ANK3: variants seen among roughly 807,000 people sequenced by gnomAD.
ANK3 encodes ankyrin 3, also known as ankyrin-3.
Under a neutral mutation model 370.9 loss-of-function variants are expected in ANK3, and 57 were observed. That is an observed-to-expected ratio of 0.15 (90% CI 0.12 to 0.19). ANK3 has a LOEUF of 0.19. ANK3 is among the 10% of genes least tolerant of loss of function. ANK3 has a pLI of 1.00. For synonymous variants in ANK3, 1,929 were observed against 1,946.3 expected, an observed-to-expected ratio of 0.99 and a Z score of 0.23; for missense variants, 4,439 against 5,302.1, an observed-to-expected ratio of 0.84 and a Z score of 5.06.
In ANK3 at chr10:60,466,106, T is replaced by C. The variant is rs72807910; in HGVS notation, c.96+149080A>G. Among the ~76,000 whole-genome samples, 748 of 152,278 alleles carry C rather than the reference T, an allele frequency of 4.9e-3. 4 individuals are homozygous for C. Among genetic ancestry groups the C allele is most frequent in the Non-Finnish European group, 6.2e-3 (423 of 68,030 alleles). ...TCTCTTGAACACTTCTATAATTATGTAAGAAACAACACATGGGTCTATTTA... is the reference window on the plus strand; with the variant it reads ...TCTCTTGAACACTTCTATAATTATGCAAGAAACAACACATGGGTCTATTTA... On this transcript the variant is annotated intron_variant, in intron 2 of 43. Coordinates refer to the ANK3 transcript ENST00000373827.
In ANK3 at chr10:60,069,359, C is replaced by T; in HGVS notation, c.11522G>A (p.Arg3841Lys). ...TTCTCCAAGAACTTTCTGCTTATCT[C>T]TTACACAGTGTCCTTGTAGTACCCC... ...KTGVLQGHCV[R>K]DKQKVLGEQQ... Residue 3841 changes from arginine to lysine, a missense_variant, in exon 37 of 44, where the codon AGA (arginine) becomes AAA (lysine). Arg to Lys is a conservative substitution (Grantham distance 26). Coordinates refer to ENST00000280772, the MANE Select transcript of ANK3 (RefSeq NM_020987.5). 2 of 1,614,024 alleles carry T rather than the reference C, an allele frequency of 1.2e-6. No homozygotes were observed. The highest frequency in any genetic ancestry group is 8.5e-7 in the Non-Finnish European group (1 of 1,179,998).
intron 2 of ANK3, among the ~76,000 whole-genome samples, chr10:60,516,916 C>A (rs1322945734): frequency 6.6e-6 from 1 of 152,074 alleles, no homozygotes; most frequent in African/African-American, 2.4e-5. Context: ...AAAATAGCCT[C>A]CTTGATCGTT....
At chr10:60,338,557 G>T (rs1204660811) in intron 1 of ANK3, among the ~76,000 whole-genome samples, 1 of 152,118 alleles carries the variant, frequency 6.6e-6, no homozygotes, top group Non-Finnish European at 1.5e-5. Context: ...ACACGTGCAT[G>T]GTATGTCAAC....
chr10:60,549,265 G>T (rs1486134206), intron 2 of ANK3, among the ~76,000 whole-genome samples: 1 of 151,852 alleles, frequency 6.6e-6, no homozygotes, highest in Non-Finnish European at 1.5e-5. Context: ...TAATAACATT[G>T]AAATAGGTTT....
intron 1 of ANK3, among the ~76,000 whole-genome samples, chr10:60,309,649 C>A (rs2045910195): frequency 6.6e-6 from 1 of 152,102 alleles, no homozygotes; most frequent in Non-Finnish European, 1.5e-5. Flanking sequence ...GAATAACTTG[C>A]AATAGGTAGT....
At chr10:60,224,474 T>C (rs2097107544) in intron 8 of ANK3, among the ~76,000 whole-genome samples, 1 of 152,154 alleles carries the variant, frequency 6.6e-6, no homozygotes, top group African/African-American at 2.4e-5. Context: ...CTGATTTTTC[T>C]GAAAAGCATG....
Position 60,140,319 on chromosome 10 carries a change from C to G in ANK3, c.2615-1232G>C, listed in dbSNP as rs752779100. On this transcript the variant is annotated intron_variant, in intron 23 of 43. Transcript: ENST00000280772. ...ACATTCACTGCATCTCAAACAAAAA[C>G]AGCACACACCAAGTACAACTCAAAG... 1.2e-5 allele frequency: 19 copies of G among 1,610,308 alleles called. No individual in the cohort carries two copies. In the Admixed American group the frequency reaches 3.2e-4, roughly 27 times the overall value.
At chr10:60,687,531 A>AC (rs111633246) in intron 1 of ANK3, among the ~76,000 whole-genome samples, 13 of 121,006 alleles carry the variant, frequency 1.1e-4, no homozygotes, top group African/African-American at 2.5e-4. Flanking sequence ...CTGGTATAAA[A>AC]AAAAACACAC....
intron 1 of ANK3, among the ~76,000 whole-genome samples, chr10:60,375,926 G>A (rs932144373): frequency 2.0e-5 from 3 of 152,326 alleles, no homozygotes; most frequent in Admixed American, 6.5e-5. Flanking sequence ...GAAGAAAGGA[G>A]TGGGGAAGTG....
intron 1 of ANK3, among the ~76,000 whole-genome samples, chr10:60,702,361 C>T (rs1215736527): frequency 6.6e-6 from 1 of 152,030 alleles, no homozygotes; most frequent in South Asian, 2.1e-4. Context: ...ACTCTATATC[C>T]TAAGTGAGAT....
intron 10 of ANK3, 85 bp downstream of exon 10, chr10:60,207,951 C>A: frequency 8.5e-7 from 1 of 1,181,964 alleles, no homozygotes; most frequent in South Asian, 1.3e-5. Context: ...CTATTTTAAC[C>A]TCCTCAAAGC....
At chr10:60,254,230 T>C (rs11816628) in intron 7 of ANK3, among the ~76,000 whole-genome samples, 1 of 134,828 alleles carries the variant, frequency 7.4e-6, no homozygotes, top group Non-Finnish European at 1.7e-5. Context: ...TTCTTTTTTA[T>C]TGTTTTTTTT....
At chr10:60,625,018 C>T (rs1046425592) in intron 1 of ANK3, among the ~76,000 whole-genome samples, 2 of 152,032 alleles carry the variant, frequency 1.3e-5, no homozygotes, top group Non-Finnish European at 1.5e-5. Context: ...TGTTCCTTTA[C>T]CCTTTGGCAT....
chr10:60,224,046 C>G (rs2097101391), intron 8 of ANK3, among the ~76,000 whole-genome samples: 1 of 151,652 alleles, frequency 6.6e-6, no homozygotes, highest in South Asian at 2.1e-4. Flanking sequence ...GACCAAAAAG[C>G]AGTTTTTCAA....
rs550384855 is a variant in ANK3, at chr10:60,493,351, G to A, written c.96+121835C>T. Among the ~76,000 whole-genome samples the A allele has an allele frequency of 3.9e-5, 6 of 152,212 alleles. No individual in the cohort carries two copies. The South Asian group carries it at 1.2e-3, about 32-fold the overall frequency. On this transcript the variant is annotated intron_variant, in intron 2 of 43. Coordinates refer to the ANK3 transcript ENST00000373827. ...AGCATGAGTGGAGATGGAGAGATCA[G>A]TTAGAAAACCATGCTTAAGATAGAA...
intron 30 of ANK3, among the ~76,000 whole-genome samples, chr10:60,085,534 TTATAAG>T (rs142992425): frequency 0.014 from 2,061 of 152,224 alleles, 37 homozygotes; most frequent in African/African-American, 0.046. Context: ...CAGCCACAAT[TTATAAG>T]TATATTTTAT....
intron 1 of ANK3, among the ~76,000 whole-genome samples, chr10:60,298,904 T>C (rs927559997): frequency 3.9e-5 from 6 of 152,222 alleles, no homozygotes; most frequent in East Asian, 1.9e-4. Context: ...TTTATGATCA[T>C]GCATATGCAA....
chr10:60,220,539 C>T (rs1453343969), intron 8 of ANK3, among the ~76,000 whole-genome samples: 2 of 152,150 alleles, frequency 1.3e-5, no homozygotes, highest in East Asian at 3.8e-4. Context: ...AACCTTGGTC[C>T]CCACAACCCC....
Position 60,166,830 on chromosome 10 carries a change from C to G in ANK3, c.2545G>C (p.Asp849His), listed in dbSNP as rs2095637698. 6.2e-7 allele frequency: 1 copy of G among 1,613,694 alleles called. No individual in the cohort carries two copies. The highest frequency in any genetic ancestry group is 8.5e-7 in the Non-Finnish European group (1 of 1,179,776). Residue 849 changes from aspartate (D) to histidine (H), a missense_variant, in exon 22 of 44, where the codon GAT (aspartate) becomes CAT (histidine). Transcript: ENST00000280772. ...TMNEVLDMSD[D>H]EVRKANAPEM... ...TCAAAGAACATTTTCATACCTTCAT[C>G]ATCAGACATATCAAGAACTTCATTC...
Sources: gnomAD v4.1 joint callset for allele counts (sites outside exome capture counted in the v4.1 genomes callset) on GRCh38, gnomAD v4.1.1 for gene constraint, MANE v1.5 for transcripts, NCBI Gene and HGNC (gene_info 2026-07-23, HGNC 2026-07-21) for gene names.